Variants in PLEKHG5 observed in about 807,000 individuals in gnomAD.
PLEKHG5 encodes the protein pleckstrin homology domain-containing family G member 5.
A neutral mutation model predicts 103.8 loss-of-function variants in PLEKHG5; 52 were observed. The observed-to-expected ratio is 0.50, with a 90% CI of 0.40 to 0.63. PLEKHG5 has a LOEUF of 0.63. PLEKHG5 is among the 30% of genes least tolerant of loss of function. The probability of loss-of-function intolerance (pLI) is 0.00; values close to 1 mark genes in which losing one functional copy is unlikely to be tolerated. For synonymous variants in PLEKHG5, 592 were observed against 575.5 expected, an observed-to-expected ratio of 1.03 and a Z score of -0.41; for missense variants, 1,205 against 1,347.6, an observed-to-expected ratio of 0.89 and a Z score of 1.66.
chr1:6,504,352 C>T (rs1261524103), intron 1 of PLEKHG5, among the ~76,000 whole-genome samples: 1 of 152,154 alleles, frequency 6.6e-6, no homozygotes, highest in Non-Finnish European at 1.5e-5. Context: ...AGCTGGGCCG[C>T]CCCTCTCATG....
intron 1 of PLEKHG5, among the ~76,000 whole-genome samples, chr1:6,518,870 G>C (rs1638698346): frequency 6.6e-6 from 1 of 152,202 alleles, no homozygotes; most frequent in Non-Finnish European, 1.5e-5. Flanking sequence ...TTGAGACGGA[G>C]TCTTGCTCTG....
At chr1:6,482,992 A>C (rs972678943) in intron 1 of PLEKHG5, among the ~76,000 whole-genome samples, 18 of 152,326 alleles carry the variant, frequency 1.2e-4, no homozygotes, top group African/African-American at 4.3e-4. Context: ...TACAGGCGTG[A>C]GCCACGGCAC....
At chr1:6,483,015 C>T (rs1161214775) in intron 1 of PLEKHG5, among the ~76,000 whole-genome samples, 1 of 152,194 alleles carries the variant, frequency 6.6e-6, no homozygotes, top group Non-Finnish European at 1.5e-5. Flanking sequence ...AGACTGGATC[C>T]CAGATTTTAA....
chr1:6,482,739 C>T (rs574000777), intron 1 of PLEKHG5, among the ~76,000 whole-genome samples: 67 of 152,240 alleles, frequency 4.4e-4, no homozygotes, highest in Admixed American at 1.2e-3. Context: ...GATAGAGTCT[C>T]GCTCTGTTGC....
At chr1:6,494,357 C>T (rs1184424001), upstream of PLEKHG5, among the ~76,000 whole-genome samples, 1 of 151,870 alleles carries the variant, frequency 6.6e-6, no homozygotes, top group Admixed American at 6.6e-5. Flanking sequence ...TCTCGAACTC[C>T]TGAGCTCAGG....
intron 1 of PLEKHG5, among the ~76,000 whole-genome samples, chr1:6,503,521 C>A (rs1645318738): frequency 6.6e-6 from 1 of 151,814 alleles, no homozygotes; most frequent in African/African-American, 2.4e-5. Context: ...GATTCTCCTG[C>A]CTCAGCCTCC....
chr1:6,513,859 C>A (rs1638543019), intron 1 of PLEKHG5, among the ~76,000 whole-genome samples: 1 of 152,196 alleles, frequency 6.6e-6, no homozygotes, highest in Admixed American at 6.5e-5. Context: ...AGTCAAGGGC[C>A]CTTCCCCGCT....
intron 1 of PLEKHG5, among the ~76,000 whole-genome samples, chr1:6,507,497 C>A (rs562648813): frequency 2.6e-4 from 39 of 152,352 alleles, no homozygotes; most frequent in African/African-American, 9.1e-4. Context: ...TGTGCCCCCC[C>A]AGCCTGCCAG....
chr1:6,496,480 C>T (rs779692182), upstream of PLEKHG5: 96 of 1,600,418 alleles, frequency 6.0e-5, 1 homozygote, highest in South Asian at 1.0e-3. Flanking sequence ...CCCAGGCTCT[C>T]CAGCCTCCCT....
Position 6,470,900 on chromosome 1 carries a change from G to A in PLEKHG5, c.1393-16C>T. 7.1e-7 allele frequency: 1 copy of A among 1,405,436 alleles called. No individual in the cohort carries two copies. The highest frequency in any genetic ancestry group is 3.1e-5 in the African/African-American group (1 of 32,152). 87.1% of individuals were successfully genotyped at this position (1,405,436 alleles called of 1,614,324 possible). ...TCTCCGCCCACTGCGGTGGGGGAGT[G>A]GGGGCGGGCTCAGGGCAGGCCCCGC... On this transcript the variant is annotated splice_polypyrimidine_tract_variant and intron_variant, in intron 13 of 20. Transcript: ENST00000377728.
At chr1:6,473,980 A>ACACACCCCCC in intron 7 of PLEKHG5, 33 bp downstream of exon 7, 1 of 515,884 alleles carries the variant, frequency 1.9e-6, no homozygotes, top group Non-Finnish European at 3.2e-6. Context: ...GCCCCTTCCC[A>ACACACCCCCC]CCCCCTCCCC....
rs765726481 is a variant in PLEKHG5 at position 6,469,388 on chromosome 1, C to A, written c.1996G>T (p.Ala666Ser). ...HSAVGAYTFQ[A>S]SGQALCRGWV... is the part of the protein sequence containing the mutation. ...CCACGGCACAAGGCCTGGCCACTGG[C>A]CTGGAACGTGTAGGCCCCTACAGCA... is the stretch of plus-strand genomic sequence containing the variant. Residue 666 changes from alanine to serine, a missense_variant, in exon 18 of 21, where the codon GCC becomes TCC. By Grantham distance (99) the Ala-to-Ser change is moderately conservative. Transcript: ENST00000377728. The A allele has an allele frequency of 6.2e-7, 1 of 1,614,204 alleles. No homozygotes were observed. Among genetic ancestry groups the A allele is most frequent in the South Asian group, 1.1e-5 (1 of 91,070 alleles).
rs941650146 is a variant in PLEKHG5, at chr1:6,508,492, C to T, written c.-165+10953G>A. 2.1e-4 allele frequency among the ~76,000 whole-genome samples: 32 copies of T among 151,320 alleles called. No homozygotes were observed. In the Middle Eastern group the frequency reaches 0.014, roughly 64 times the overall value. ...GGCAGCCCCAGTGGGTCAGGGGAGGCCCCCCCAGGCCAGTGAAGCGGACCC... is the reference window on the plus strand; with the variant it reads ...GGCAGCCCCAGTGGGTCAGGGGAGGTCCCCCCAGGCCAGTGAAGCGGACCC... On this transcript the variant is annotated intron_variant, in intron 1 of 21. Coordinates refer to the PLEKHG5 transcript ENST00000377740.
chr1:6,501,747 G>A lies in PLEKHG5; in HGVS notation c.-164-5178C>T, dbSNP rs563218478. ...GTGCTCCTAACCGCCAGGCTACAGTGCTCCCATGGGGCCTGACACAATTAG... is the reference window on the plus strand; with the variant it reads ...GTGCTCCTAACCGCCAGGCTACAGTACTCCCATGGGGCCTGACACAATTAG... On this transcript the variant is annotated intron_variant, in intron 1 of 21. Transcript: ENST00000377740. The surrounding 1 kb of genome is among the most constrained non-coding windows in gnomAD (Gnocchi z 4.3). Among the ~76,000 whole-genome samples the A allele has an allele frequency of 2.2e-4, 34 of 152,158 alleles. No individual in the cohort carries two copies. The highest frequency in any genetic ancestry group is 4.4e-4 in the Non-Finnish European group (30 of 68,040).
chr1:6,503,385 T>C (rs888103512), intron 1 of PLEKHG5, among the ~76,000 whole-genome samples: 18 of 148,642 alleles, frequency 1.2e-4, no homozygotes, highest in African/African-American at 4.5e-4. Flanking sequence ...CCAGCCTGGG[T>C]AACAGAGCAA....
rs920986986 is a variant in PLEKHG5, at chr1:6,512,899, G to GC, written c.-165+6545_-165+6546insG. On this transcript the variant is annotated intron_variant, in intron 1 of 21. Coordinates refer to the PLEKHG5 transcript ENST00000377740. Reference sequence around the variant, plus strand: ...TCACAGGCCTCACAGGGTGGCCATGGGGGGGTGAATAAATTAATCCAGGAG... The same window carrying GC: ...TCACAGGCCTCACAGGGTGGCCATGGCGGGGGTGAATAAATTAATCCAGGAG... Among the ~76,000 whole-genome samples the GC allele has an allele frequency of 2.3e-4, 35 of 152,258 alleles. No individual in the cohort carries two copies. The Middle Eastern group carries it at 0.014, about 59-fold the overall frequency.
chr1:6,485,893 A>G (rs1392320473), intron 1 of PLEKHG5: 3 of 985,976 alleles, frequency 3.0e-6, no homozygotes, highest in Non-Finnish European at 2.4e-6. Context: ...CCTCAACACC[A>G]ATGCCGGGCT....
rs775334386 is a variant in PLEKHG5 at position 6,468,491 on chromosome 1, G to T, written c.2345C>A (p.Ser782Tyr). 6.2e-7 allele frequency: 1 copy of T among 1,613,130 alleles called. No homozygotes were observed. ...GCTGAGAGAGGTCTCATCAGACTGG[G>T]AGCTGAAAGGACCGCTGTCGAACTC... ...SPEFDSGPFSSQSDETSLSTT... is the reference protein window; with the variant it reads ...SPEFDSGPFSYQSDETSLSTT... The change falls in exon 20 of 21, where the codon TCC (serine) becomes TAC (tyrosine). Residue 782 changes from serine to tyrosine, a missense_variant. Ser to Tyr is a moderately radical substitution (Grantham distance 144). Transcript: ENST00000377728.
Position 6,467,825 on chromosome 1 carries a change from G to A in PLEKHG5, c.3011C>T (p.Ser1004Leu), listed in dbSNP as rs746496416. 1.1e-5 allele frequency: 18 copies of A among 1,613,012 alleles called. No individual in the cohort carries two copies. The highest frequency in any genetic ancestry group is 1.4e-5 in the Non-Finnish European group (17 of 1,179,884). The change falls in exon 20 of 21, where the codon TCG becomes TTG. Residue 1004 changes from serine (S) to leucine (L), a missense_variant and splice_region_variant. Transcript: ENST00000377728. Reference sequence around the variant, plus strand: ...CCCTACCCCAGTCCAGGCCACTCACGAGGCAGTGAGCGTGGAGTTAAGCAG... The same window carrying A: ...CCCTACCCCAGTCCAGGCCACTCACAAGGCAGTGAGCGTGGAGTTAAGCAG... ...TLLLNSTLTA[S>L]EV
Sources: gnomAD v4.1 joint callset for allele counts (sites outside exome capture counted in the v4.1 genomes callset) on GRCh38, gnomAD v4.1.1 for gene constraint, Gnocchi (gnomAD v3.1) non-coding constraint, MANE v1.5 for transcripts, NCBI Gene and HGNC (gene_info 2026-07-23, HGNC 2026-07-21) for gene names.